The following PPP4R3B variants were observed in gnomAD, a reference collection of about 807,000 sequenced individuals.
The protein encoded by PPP4R3B is serine/threonine-protein phosphatase 4 regulatory subunit 3B.
PPP4R3B carries 52 observed loss-of-function variants against 95.4 expected under a neutral mutation model. The ratio of observed to expected loss-of-function variants is 0.54; its 90% CI spans 0.44 to 0.69. The LOEUF is 0.69. PPP4R3B is among the 30% of genes least tolerant of loss of function. PPP4R3B has a pLI of 0.00. For missense variants in PPP4R3B, 1,003 were observed against 1,005.9 expected, an observed-to-expected ratio of 1.00 and a Z score of 0.04; for synonymous variants, 407 against 343.9, an observed-to-expected ratio of 1.18 and a Z score of -2.03.
At chr2:55,567,827 T>A (rs947781118) in intron 13 of PPP4R3B, among the ~76,000 whole-genome samples, 3 of 152,188 alleles carry the variant, frequency 2.0e-5, no homozygotes. Context: ...GACTGAAATG[T>A]CCACATACAC....
At chr2:55,553,165 T>G (rs1574652373) in intron 16 of PPP4R3B, among the ~76,000 whole-genome samples, 1 of 152,218 alleles carries the variant, frequency 6.6e-6, no homozygotes, top group Non-Finnish European at 1.5e-5. Flanking sequence ...ATATACTTCA[T>G]GACTTTAGGC....
intron 4 of PPP4R3B, among the ~76,000 whole-genome samples, chr2:55,593,115 G>A (rs545622359): frequency 2.6e-5 from 4 of 152,240 alleles, no homozygotes; most frequent in South Asian, 2.1e-4. Flanking sequence ...CCAAGATGGC[G>A]CCACTGCACT....
intron 4 of PPP4R3B, among the ~76,000 whole-genome samples, chr2:55,593,933 C>G (rs183627598): frequency 2.6e-5 from 4 of 152,136 alleles, no homozygotes; most frequent in Admixed American, 1.3e-4. Context: ...AACAGATGAT[C>G]AGACAAAGAA....
At chr2:55,589,775 G>C (rs1246453770) in intron 4 of PPP4R3B, among the ~76,000 whole-genome samples, 3 of 151,316 alleles carry the variant, frequency 2.0e-5, no homozygotes, top group African/African-American at 4.9e-5. Context: ...AATTAGCCAG[G>C]CATGGTGGTG....
Position 55,598,803 on chromosome 2 carries a change from C to T in PPP4R3B, c.534G>A (p.Leu178=). The T allele has an allele frequency of 6.2e-7, 1 of 1,614,172 alleles. No individual in the cohort carries two copies. The highest frequency in any genetic ancestry group is 8.5e-7 in the Non-Finnish European group (1 of 1,180,036). The change falls in exon 4 of 17, where the codon CTG becomes CTA. Residue 178 remains leucine (L), a synonymous_variant. Transcript: ENST00000616407. The part of the protein sequence containing the change: ...NEGYIKKLLQ[L]FQACENLENT... ...TTTCTAGGTTCTCGCAAGCTTGGAA[C>T]AGCTGCAATAGTTTTTTAATATAGC...
intron 4 of PPP4R3B, among the ~76,000 whole-genome samples, chr2:55,596,874 G>C (rs970647062): frequency 6.6e-6 from 1 of 152,224 alleles, no homozygotes; most frequent in Non-Finnish European, 1.5e-5. Flanking sequence ...TGAGGCAGGA[G>C]AATCGCTTGA....
chr2:55,578,361 A>G lies in PPP4R3B; in HGVS notation c.1469-19T>C. 7.4e-7 allele frequency: 1 copy of G among 1,348,400 alleles called. No homozygotes were observed. The allele number at this position is 1,348,400 out of a possible 1,614,324, so 83.5% of individuals were successfully genotyped here. On this transcript the variant is annotated intron_variant, in intron 9 of 16. Coordinates refer to ENST00000616407, the MANE Select transcript of PPP4R3B (RefSeq NM_001122964.3). The stretch of plus-strand genomic sequence containing the variant: ...AAAAAATCTGAAAAAAAATATGGCA[A>G]GTTAGTTTTGATAAAGCCAACAGGG...
intron 3 of PPP4R3B, among the ~76,000 whole-genome samples, chr2:55,603,020 T>C (rs1354856797): frequency 3.3e-5 from 5 of 151,912 alleles, no homozygotes; most frequent in African/African-American, 7.3e-5. Context: ...AGTGGCATTA[T>C]CTTGGCTCAC....
chr2:55,587,883 G>C (rs1457239943), intron 5 of PPP4R3B, among the ~76,000 whole-genome samples: 1 of 152,164 alleles, frequency 6.6e-6, no homozygotes, highest in Non-Finnish European at 1.5e-5. Flanking sequence ...AGATGACTTA[G>C]AGGTTTTAAA....
At chr2:55,588,211 G>A (rs952591597) in intron 5 of PPP4R3B, among the ~76,000 whole-genome samples, 4 of 152,088 alleles carry the variant, frequency 2.6e-5, no homozygotes, top group Non-Finnish European at 4.4e-5. Context: ...CTTATCTCTT[G>A]TTTAAAAAGA....
At position 55,564,877 on chromosome 2, in the gene PPP4R3B, T is replaced by C. The variant is rs184182556; in HGVS notation, c.2075+25A>G. The C allele has an allele frequency of 4.1e-5, 65 of 1,600,132 alleles. No homozygotes were observed. In the African/African-American group the frequency reaches 7.1e-4, roughly 18 times the overall value. On this transcript the variant is annotated intron_variant, in intron 14 of 16. Coordinates refer to ENST00000616407, the MANE Select transcript of PPP4R3B (RefSeq NM_001122964.3). ...ATTTTGGACACAGTTTTGTAGGCTATAAAAGCAGTATACTTAAACAATACC... is the reference window on the plus strand; with the variant it reads ...ATTTTGGACACAGTTTTGTAGGCTACAAAAGCAGTATACTTAAACAATACC...
chr2:55,555,148 T>G (rs963547466), intron 16 of PPP4R3B, among the ~76,000 whole-genome samples: 2 of 151,456 alleles, frequency 1.3e-5, no homozygotes, highest in Non-Finnish European at 2.9e-5. Context: ...GGCGTGGTGG[T>G]GGGCACCTGT....
chr2:55,558,942 G>C lies in PPP4R3B; in HGVS notation c.2287C>G (p.Leu763Val). 6.2e-7 allele frequency: 1 copy of C among 1,608,284 alleles called. No homozygotes were observed. The highest frequency in any genetic ancestry group is 8.5e-7 in the Non-Finnish European group (1 of 1,177,834). The change falls in exon 16 of 17, where the codon CTT becomes GTT. Residue 763 changes from leucine (L) to valine (V), a missense_variant. By Grantham distance (32) the Leu-to-Val change is conservative (BLOSUM62 1). This residue lies in a region of PPP4R3B where 229 missense variants were observed against 194.7 expected (regional missense o/e 1.18). Transcript: ENST00000616407. ...CCACCAGGAGATGTCCTTTTGGGAA[G>C]GTTTTCCTTGTCTTCACTTTCTTTT... ...KAKESEDKENLPKRTSPGGFK... is the reference protein window; with the variant it reads ...KAKESEDKENVPKRTSPGGFK...
chr2:55,587,986 T>C (rs192978971), intron 5 of PPP4R3B, among the ~76,000 whole-genome samples: 1 of 152,324 alleles, frequency 6.6e-6, no homozygotes, highest in East Asian at 1.9e-4. Flanking sequence ...ATCAGATAGC[T>C]AAATTATAGA....
chr2:55,557,679 T>C (rs1359097130), intron 16 of PPP4R3B, among the ~76,000 whole-genome samples: 2 of 152,218 alleles, frequency 1.3e-5, no homozygotes, highest in East Asian at 1.9e-4. Flanking sequence ...CTCAGACTTA[T>C]ATTTTGTGTT....
intron 12 of PPP4R3B, among the ~76,000 whole-genome samples, chr2:55,570,057 C>T (rs1687814186): frequency 6.6e-6 from 1 of 152,114 alleles, no homozygotes; most frequent in Non-Finnish European, 1.5e-5. Context: ...CGAGACAAGC[C>T]TGGCCAACAT....
rs1410098514 is a variant in PPP4R3B at position 55,579,792 on chromosome 2, G to T, written c.1366-11C>A. ...ACTTTTTTCGGTTTTCTGAAACATA[G>T]AATTTTTTAAACAATACTGTTACTT... On this transcript the variant is annotated splice_polypyrimidine_tract_variant and intron_variant, in intron 8 of 16. Coordinates refer to ENST00000616407, the MANE Select transcript of PPP4R3B (RefSeq NM_001122964.3). 2 of 1,476,450 alleles carry T rather than the reference G, an allele frequency of 1.4e-6. No individual in the cohort carries two copies. Among genetic ancestry groups the T allele is most frequent in the African/African-American group, 1.4e-5 (1 of 70,870 alleles). The allele number at this position is 1,476,450 out of a possible 1,614,324, so 91.5% of individuals were successfully genotyped here. A position where few individuals can be genotyped will look rare whatever the true frequency, so the allele number is the denominator to read the frequency against.
At position 55,578,328 on chromosome 2, in the gene PPP4R3B, GT is replaced by G; in HGVS notation, c.1482del (p.Lys494AsnfsTer31). 7.0e-7 allele frequency: 1 copy of G among 1,423,518 alleles called. No homozygotes were observed. The highest frequency in any genetic ancestry group is 1.8e-5 in the South Asian group (1 of 56,662). The allele number at this position is 1,423,518 out of a possible 1,614,324, so 88.2% of individuals were successfully genotyped here. On this transcript the variant is annotated frameshift_variant, in exon 10 of 17. Transcript: ENST00000616407. LOFTEE classifies it high-confidence loss of function. ...ATGAAACTCCAACTATATCTGTAAT[GT>G]TTTAAAAAAAAATCTGAAAAAAAAT... is the stretch of plus-strand genomic sequence containing the variant. ...EDKCEKDFFL[K>X]HYRYSWSFIC... is the part of the protein sequence containing the mutation.
At chr2:55,580,554 A>T (rs1273495147) in intron 8 of PPP4R3B, among the ~76,000 whole-genome samples, 3 of 152,210 alleles carry the variant, frequency 2.0e-5, no homozygotes, top group Non-Finnish European at 4.4e-5. Flanking sequence ...CCCAGATTTC[A>T]CCAATTCTAT....
Sources: gnomAD v4.1 joint callset for allele counts (sites outside exome capture counted in the v4.1 genomes callset) on GRCh38, gnomAD v4.1.1 for gene constraint, gnomAD v4.1.1 regional missense constraint, MANE v1.5 for transcripts, NCBI Gene and HGNC (gene_info 2026-07-23, HGNC 2026-07-21) for gene names.